Variants in GSN observed in about 807,000 individuals in gnomAD.
The protein encoded by GSN is gelsolin.
In GSN, 56 loss-of-function variants were observed where a neutral mutation model predicts 85.7. The ratio of observed to expected loss-of-function variants is 0.65; its 90% CI spans 0.53 to 0.82. The LOEUF is 0.82. GSN is among the 40% of genes least tolerant of loss of function. The pLI is 0.00. For missense variants in GSN, 857 were observed against 979.8 expected, an observed-to-expected ratio of 0.87 and a Z score of 1.67; for synonymous variants, 373 against 399.1, an observed-to-expected ratio of 0.93 and a Z score of 0.78.
intron 4 of GSN, among the ~76,000 whole-genome samples, chr9:121,228,991 A>C: frequency 6.6e-6 from 1 of 152,212 alleles, no homozygotes; most frequent in Non-Finnish European, 1.5e-5. Flanking sequence ...CGCTTTCTAC[A>C]TAATCATGAT....
At chr9:121,324,472 TGTAG>T in intron 11 of GSN, 78 bp from the exon 12 acceptor site, 1 of 734,084 alleles carries the variant, frequency 1.4e-6, no homozygotes, top group Non-Finnish European at 2.4e-6. Flanking sequence ...CAGGGAGATG[TGTAG>T]GTTTCTCAGA....
At chr9:121,331,098 T>C (rs2063834145) in intron 16 of GSN, among the ~76,000 whole-genome samples, 1 of 152,210 alleles carries the variant, frequency 6.6e-6, no homozygotes, top group South Asian at 2.1e-4. Flanking sequence ...AGGCCCAGGC[T>C]GCTAGATCCT....
intron 11 of GSN, among the ~76,000 whole-genome samples, chr9:121,323,874 A>T (rs78224608): frequency 0.027 from 4,103 of 150,834 alleles, 190 homozygotes; most frequent in African/African-American, 0.094. Context: ...AAACAGCTTA[A>T]TTTTTTTTTT....
intron 4 of GSN, among the ~76,000 whole-genome samples, chr9:121,229,679 T>C (rs543847682): frequency 2.0e-5 from 3 of 152,236 alleles, no homozygotes; most frequent in Non-Finnish European, 4.4e-5. Context: ...CTTGTCTCAT[T>C]ACTGGGGATG....
chr9:121,299,297 G>A lies in GSN; in HGVS notation c.-9-2666G>A, dbSNP rs940187083. On this transcript the variant is annotated intron_variant, in intron 2 of 17. Transcript: ENST00000432226. The surrounding 1 kb of genome is among the most constrained non-coding windows in gnomAD (Gnocchi z 4.2). The stretch of plus-strand genomic sequence containing the variant: ...GGAGCCGGGTCCCCTGCCCTGCTGC[G>A]GCGCATGCTGCCTGGTGGGGGTTCT... The A allele has an allele frequency of 6.1e-6, 6 of 985,232 alleles. No homozygotes were observed. The African/African-American group carries it at 1.0e-4, about 17-fold the overall frequency. 61.0% of individuals were successfully genotyped at this position (985,232 alleles called of 1,614,324 possible). A position where few individuals can be genotyped will look rare whatever the true frequency, so the allele number is the denominator to read the frequency against.
chr9:121,235,003 G>A (rs2054465008), intron 5 of GSN, among the ~76,000 whole-genome samples: 1 of 152,186 alleles, frequency 6.6e-6, no homozygotes, highest in African/African-American at 2.4e-5. Flanking sequence ...ATGAGAGGGA[G>A]GCGCAGAGGA....
chr9:121,299,234 C>G lies in GSN; in HGVS notation c.-9-2729C>G. Reference sequence around the variant, plus strand: ...CTATCCCAGGAGCTGAGCGTTCTGCCCCGCCCCTCTGAGTCCTGCCGGCTT... The same window carrying G: ...CTATCCCAGGAGCTGAGCGTTCTGCGCCGCCCCTCTGAGTCCTGCCGGCTT... On this transcript the variant is annotated intron_variant, in intron 2 of 17. Coordinates refer to ENST00000432226, the MANE Select transcript of GSN (RefSeq NM_198252.3). The surrounding 1 kb of genome is among the most constrained non-coding windows in gnomAD (Gnocchi z 4.2). 2 of 897,828 alleles carry G rather than the reference C, an allele frequency of 2.2e-6. No individual in the cohort carries two copies. Among genetic ancestry groups the G allele is most frequent in the Non-Finnish European group, 2.7e-6 (2 of 749,710 alleles). The allele number at this position is 897,828 out of a possible 1,614,324, so 55.6% of individuals were successfully genotyped here. A position where few individuals can be genotyped will look rare whatever the true frequency, so the allele number is the denominator to read the frequency against.
chr9:121,229,521 A>C (rs1374409027), intron 4 of GSN, among the ~76,000 whole-genome samples: 1 of 152,234 alleles, frequency 6.6e-6, no homozygotes, highest in Non-Finnish European at 1.5e-5. Context: ...GCCCGGCCTC[A>C]TAATGAAATT....
intron 10 of GSN, among the ~76,000 whole-genome samples, chr9:121,319,514 G>T (rs1372728214): frequency 6.6e-6 from 1 of 151,118 alleles, no homozygotes; most frequent in Non-Finnish European, 1.5e-5. Flanking sequence ...ATAGAGACAG[G>T]GTCTCGCTAT....
chr9:121,320,008 T>C (rs1173406781), intron 10 of GSN, among the ~76,000 whole-genome samples: 1 of 152,128 alleles, frequency 6.6e-6, no homozygotes, highest in Non-Finnish European at 1.5e-5. Context: ...CTAGGGAGAA[T>C]GCAATGAAAA....
At chr9:121,225,862 T>C (rs1164946181) in intron 4 of GSN, among the ~76,000 whole-genome samples, 3 of 152,156 alleles carry the variant, frequency 2.0e-5, no homozygotes, top group Non-Finnish European at 4.4e-5. Flanking sequence ...TGGAGTGTGG[T>C]GGCACAATCT....
rs1236807758 is a variant in GSN, at chr9:121,289,237, A to G, written c.-10+7675A>G. On this transcript the variant is annotated intron_variant, in intron 2 of 17. Coordinates refer to ENST00000432226, the MANE Select transcript of GSN (RefSeq NM_198252.3). ...GGATGCCAAAGAGTGGGAGGGGCCC[A>G]GCGGAGTGGTGGCCAGAGTAACCCC... is the stretch of plus-strand genomic sequence containing the variant. Among the ~76,000 whole-genome samples the G allele has an allele frequency of 2.7e-5, 4 of 150,494 alleles. No homozygotes were observed. In the East Asian group the frequency reaches 7.9e-4, roughly 30 times the overall value.
chr9:121,204,089 A>G (rs2053846075), upstream of GSN, among the ~76,000 whole-genome samples: 1 of 152,220 alleles, frequency 6.6e-6, no homozygotes, highest in African/African-American at 2.4e-5. Flanking sequence ...TTATCACCTG[A>G]AGGGAGATCT....
chr9:121,285,886 G>C (rs1484884765), intron 2 of GSN, among the ~76,000 whole-genome samples: 2 of 152,218 alleles, frequency 1.3e-5, no homozygotes, highest in Non-Finnish European at 2.9e-5. Context: ...CAGTAGGCAG[G>C]CAGGTTCTTC....
intron 2 of GSN, chr9:121,209,432 G>A (rs558456962): frequency 6.6e-6 from 1 of 152,116 alleles, no homozygotes; most frequent in South Asian, 2.1e-4. Context: ...TTAGCAGCGG[G>A]GGGTGGGGAG....
At chr9:121,229,284 A>G (rs1303151671) in intron 4 of GSN, among the ~76,000 whole-genome samples, 1 of 152,172 alleles carries the variant, frequency 6.6e-6, no homozygotes, top group African/African-American at 2.4e-5. Flanking sequence ...ACAGTGGCGC[A>G]GTCTCAGCTC....
chr9:121,302,163 G>T lies in GSN; in HGVS notation c.192G>T (p.Trp64Cys). 6.2e-7 allele frequency: 1 copy of T among 1,613,598 alleles called. No homozygotes were observed. The highest frequency in any genetic ancestry group is 8.5e-7 in the Non-Finnish European group (1 of 1,179,932). The change falls in exon 3 of 18, where the codon TGG becomes TGT. Residue 64 changes from tryptophan to cysteine, a missense_variant. Physicochemically the swap from Trp to Cys is radical, Grantham distance 215. Transcript: ENST00000432226. ...ATCTGCAGTATGACCTCCACTACTG[G>T]CTGGGTGAGGCTGGCCCTGCCCAGC... ...NGNLQYDLHYWLGNECSQDES... is the reference protein window; with the variant it reads ...NGNLQYDLHYCLGNECSQDES...
intron 6 of GSN, among the ~76,000 whole-genome samples, chr9:121,251,076 G>T (rs578252330): frequency 6.6e-6 from 1 of 150,904 alleles, no homozygotes; most frequent in Non-Finnish European, 1.5e-5. Flanking sequence ...TCCTCCTGCC[G>T]CGGCATCCCA....
Position 121,312,316 on chromosome 9 carries a change from CT to C in GSN, c.514-21del, listed in dbSNP as rs371210555. On this transcript the variant is annotated intron_variant, in intron 5 of 17. Transcript: ENST00000432226. The stretch of plus-strand genomic sequence containing the variant: ...GGCTTATAGGAAGGCGGGGCACTGA[CT>C]TCCTGGGTCTCTGTCTTCCAGAACA... The C allele has an allele frequency of 1.4e-5, 23 of 1,613,854 alleles. No homozygotes were observed. The African/African-American group carries it at 2.5e-4, about 18-fold the overall frequency.
Sources: gnomAD v4.1 joint callset for allele counts (sites outside exome capture counted in the v4.1 genomes callset) on GRCh38, gnomAD v4.1.1 for gene constraint, Gnocchi (gnomAD v3.1) non-coding constraint, MANE v1.5 for transcripts, NCBI Gene and HGNC (gene_info 2026-07-23, HGNC 2026-07-21) for gene names.